CNTN3: variants seen among roughly 807,000 people sequenced by gnomAD.
The protein encoded by CNTN3 is contactin-3.
A neutral mutation model predicts 119.1 loss-of-function variants in CNTN3; 60 were observed. The ratio of observed to expected loss-of-function variants is 0.50; its 90% confidence interval spans 0.41 to 0.62. The LOEUF is 0.62. Ranked by LOEUF, CNTN3 falls within the 20% of genes least tolerant of loss-of-function variation. CNTN3 has a pLI of 0.00. For missense variants in CNTN3, 1,101 were observed against 1,242.4 expected (o/e 0.89, Z 1.71); for synonymous variants, 450 against 438.7 (o/e 1.03, Z -0.32).
chr3:74,290,221 T>C (rs898715511), intron 19 of CNTN3, among the ~76,000 whole-genome samples: 8 of 152,240 alleles, frequency 5.3e-5, no homozygotes, highest in African/African-American at 1.2e-4. Context: ...TACACACCTA[T>C]GTTAGATGGT....
intron 13 of CNTN3, among the ~76,000 whole-genome samples, chr3:74,322,576 C>T (rs1559546150): frequency 6.6e-6 from 1 of 152,170 alleles, no homozygotes; most frequent in African/African-American, 2.4e-5. Flanking sequence ...TTCTGCAAGA[C>T]AGTCCAGCAG....
chr3:74,270,849 A>G (rs540610717), intron 20 of CNTN3, among the ~76,000 whole-genome samples: 8 of 152,276 alleles, frequency 5.3e-5, no homozygotes, highest in African/African-American at 1.9e-4. Context: ...GTCAACCTCT[A>G]CTGTTGGCAG....
intron 1 of CNTN3, among the ~76,000 whole-genome samples, chr3:74,528,820 T>C (rs1376595810): frequency 1.3e-5 from 2 of 151,920 alleles, no homozygotes; most frequent in Admixed American, 6.6e-5. Flanking sequence ...GGGAAAGGAC[T>C]TGACTATTAA....
chr3:74,459,819 G>A (rs77089071), intron 4 of CNTN3, among the ~76,000 whole-genome samples: 1,532 of 151,970 alleles, frequency 0.01, 22 homozygotes, highest in African/African-American at 0.035. Context: ...ATAAACTCGG[G>A]CTATTATACT....
At chr3:74,485,544 T>G (rs1702837764) in intron 4 of CNTN3, among the ~76,000 whole-genome samples, 1 of 152,014 alleles carries the variant, frequency 6.6e-6, no homozygotes, top group African/African-American at 2.4e-5. Context: ...AGGCTAGACA[T>G]TAAATGACCC....
At chr3:74,613,269 C>CTTT (rs758332591) in intron 1 of CNTN3, among the ~76,000 whole-genome samples, 2 of 132,490 alleles carry the variant, frequency 1.5e-5, no homozygotes, top group Non-Finnish European at 1.6e-5. Flanking sequence ...AGTCTTCCTA[C>CTTT]TTTTTTTTTT....
At chr3:74,430,128 T>C (rs1701759226) in intron 4 of CNTN3, among the ~76,000 whole-genome samples, 1 of 152,178 alleles carries the variant, frequency 6.6e-6, no homozygotes, top group African/African-American at 2.4e-5. Flanking sequence ...TGACCAGCAA[T>C]TGCACTTTTG....
chr3:74,287,861 C>T (rs1389973091), intron 19 of CNTN3, among the ~76,000 whole-genome samples: 1 of 152,180 alleles, frequency 6.6e-6, no homozygotes, highest in Non-Finnish European at 1.5e-5. Context: ...ATTTAGGCAA[C>T]CCTCACTCAC....
At chr3:74,580,735 T>C (rs1363928926) in intron 1 of CNTN3, among the ~76,000 whole-genome samples, 1 of 151,752 alleles carries the variant, frequency 6.6e-6, no homozygotes, top group Non-Finnish European at 1.5e-5. Flanking sequence ...TGATAAAGAG[T>C]ATTAACAAAA....
intron 20 of CNTN3, among the ~76,000 whole-genome samples, chr3:74,268,399 G>A (rs1701705303): frequency 6.6e-6 from 1 of 152,204 alleles, no homozygotes; most frequent in South Asian, 2.1e-4. Flanking sequence ...AATTTGTAAT[G>A]GAAAAATGAT....
chr3:74,392,664 T>C (rs2106832106), intron 5 of CNTN3, among the ~76,000 whole-genome samples: 1 of 152,254 alleles, frequency 6.6e-6, no homozygotes, highest in South Asian at 2.1e-4. Flanking sequence ...TGGGAGGTAG[T>C]CCATTAATGA....
At chr3:74,274,198 C>T (rs971009476) in intron 20 of CNTN3, among the ~76,000 whole-genome samples, 1 of 152,088 alleles carries the variant, frequency 6.6e-6, no homozygotes, top group Non-Finnish European at 1.5e-5. Context: ...CTGCCCCCAC[C>T]TCATGGTCCT....
At chr3:74,339,743 T>C (rs1703485324) in intron 11 of CNTN3, among the ~76,000 whole-genome samples, 1 of 152,212 alleles carries the variant, frequency 6.6e-6, no homozygotes, top group Non-Finnish European at 1.5e-5. Flanking sequence ...TAAATGACGG[T>C]ATGCCTTTAG....
chr3:74,493,537 G>A (rs1703005491), intron 3 of CNTN3, among the ~76,000 whole-genome samples: 1 of 152,034 alleles, frequency 6.6e-6, no homozygotes, highest in South Asian at 2.1e-4. Flanking sequence ...AATTTGGGGG[G>A]GTCTGGGATT....
chr3:74,319,650 G>A (rs1296017114), intron 13 of CNTN3, among the ~76,000 whole-genome samples: 2 of 151,642 alleles, frequency 1.3e-5, no homozygotes, highest in Admixed American at 6.6e-5. Context: ...GGCAACAAAA[G>A]CCAAAATTGA....
rs901779195 is a variant in CNTN3, at chr3:74,439,984, C to T, written c.359-15044G>A. Among the ~76,000 whole-genome samples the T allele has an allele frequency of 2.0e-5, 3 of 152,104 alleles. No individual in the cohort carries two copies. In the South Asian group the frequency reaches 6.2e-4, roughly 32 times the overall value. ...CTAGGAATAACACCTACCCAGGAAC[C>T]CCCTGAGGTTTGATATAAAGACCCA... On this transcript the variant is annotated intron_variant, in intron 4 of 22. Coordinates refer to ENST00000263665, the MANE Select transcript of CNTN3 (RefSeq NM_020872.3).
chr3:74,597,212 C>T (rs143924072), intron 1 of CNTN3, among the ~76,000 whole-genome samples: 4 of 152,040 alleles, frequency 2.6e-5, no homozygotes, highest in Non-Finnish European at 4.4e-5. Context: ...AGTTCTAAAA[C>T]AGAAAATCAT....
intron 4 of CNTN3, among the ~76,000 whole-genome samples, chr3:74,470,979 C>T (rs1210081067): frequency 2.0e-5 from 3 of 151,932 alleles, no homozygotes; most frequent in East Asian, 1.9e-4. Context: ...CGGGTTCAAG[C>T]GATTCTCCTG....
At chr3:74,571,376 A>T (rs1022919515) in intron 1 of CNTN3, among the ~76,000 whole-genome samples, 3 of 152,124 alleles carry the variant, frequency 2.0e-5, no homozygotes, top group African/African-American at 7.2e-5. Flanking sequence ...TTGGCCTGGG[A>T]TGCAGCCTGG....
Sources: gnomAD v4.1 joint callset for allele counts (sites outside exome capture counted in the v4.1 genomes callset) on GRCh38, gnomAD v4.1.1 for gene constraint, MANE v1.5 for transcripts, NCBI Gene and HGNC (gene_info 2026-07-23, HGNC 2026-07-21) for gene names.